Variants in HHAT observed in about 807,000 individuals in gnomAD.
HHAT encodes protein-cysteine N-palmitoyltransferase HHAT.
HHAT carries 47 observed loss-of-function variants against 70.8 expected under a neutral mutation model. The observed-to-expected ratio is 0.66, with a 90% CI of 0.53 to 0.85. HHAT has a LOEUF of 0.85. HHAT is among the 40% of genes least tolerant of loss of function. The probability of loss-of-function intolerance (pLI) is 0.00; values close to 1 mark genes in which losing one functional copy is unlikely to be tolerated. For synonymous variants in HHAT, 228 were observed against 247.6 expected (o/e 0.92, Z 0.74); for missense variants, 609 against 604.8 (o/e 1.01, Z -0.07).
intron 8 of HHAT, among the ~76,000 whole-genome samples, chr1:210,500,728 G>C (rs547654709): frequency 1.3e-5 from 2 of 152,282 alleles, no homozygotes; most frequent in South Asian, 2.1e-4. Flanking sequence ...GTTGCCTTCT[G>C]GGCATCATTA....
intron 2 of HHAT, among the ~76,000 whole-genome samples, chr1:210,358,589 G>A (rs779434587): frequency 3.3e-5 from 5 of 152,284 alleles, no homozygotes; most frequent in East Asian, 3.9e-4. Context: ...TTAGAAGCCC[G>A]TCTTTTCTGT....
At position 210,475,500 on chromosome 1, in the gene HHAT, G is replaced by A. The variant is rs147333897; in HGVS notation, c.1007+10845G>A. ...GTAAAGCCAGAGCCTCTCTGATTGG[G>A]TTTTTACCTCCACCTACATGACAGA... On this transcript the variant is annotated intron_variant, in intron 8 of 11. Coordinates refer to ENST00000261458, the MANE Select transcript of HHAT (RefSeq NM_018194.6). 1.8e-3 allele frequency among the ~76,000 whole-genome samples: 278 copies of A among 152,304 alleles called. 5 individuals are homozygous for A. The East Asian group carries it at 0.037, about 20-fold the overall frequency.
chr1:210,449,153 G>A (rs1445531848), intron 7 of HHAT, among the ~76,000 whole-genome samples: 2 of 152,144 alleles, frequency 1.3e-5, no homozygotes, highest in Non-Finnish European at 2.9e-5. Flanking sequence ...ATTGGTGGTC[G>A]GACCTCCCGG....
At chr1:210,572,020 G>T (rs966340044) in intron 9 of HHAT, among the ~76,000 whole-genome samples, 3 of 152,104 alleles carry the variant, frequency 2.0e-5, no homozygotes, top group Non-Finnish European at 4.4e-5. Flanking sequence ...AATGCTTACC[G>T]GCCCATTGTT....
chr1:210,554,023 A>G (rs1353967859), intron 9 of HHAT, among the ~76,000 whole-genome samples: 3 of 152,174 alleles, frequency 2.0e-5, no homozygotes, highest in African/African-American at 7.2e-5. Flanking sequence ...CTGTTGTCAT[A>G]CATCATGGGC....
At chr1:210,640,116 CT>C (rs1672696948) in intron 11 of HHAT, among the ~76,000 whole-genome samples, 1 of 152,172 alleles carries the variant, frequency 6.6e-6, no homozygotes, top group African/African-American at 2.4e-5. Flanking sequence ...TAATCCATGG[CT>C]AAGAAGAAGC....
At chr1:210,456,895 C>T (rs1037292274) in intron 7 of HHAT, among the ~76,000 whole-genome samples, 3 of 152,214 alleles carry the variant, frequency 2.0e-5, no homozygotes, top group African/African-American at 7.2e-5. Flanking sequence ...CTCCCCCACA[C>T]GCTGCTCTTC....
chr1:210,418,024 A>ACAAAC, intron 6 of HHAT, 130 bp from the exon 7 acceptor site: 2 of 851,504 alleles, frequency 2.3e-6, no homozygotes, highest in Non-Finnish European at 3.9e-6. Flanking sequence ...TGTTCCCAAG[A>ACAAAC]CAAACCAAAC....
At chr1:210,440,896 A>T (rs976738843) in intron 7 of HHAT, among the ~76,000 whole-genome samples, 1 of 152,228 alleles carries the variant, frequency 6.6e-6, no homozygotes, top group African/African-American at 2.4e-5. Flanking sequence ...CTTTGGAAGT[A>T]GGAGAAACCA....
chr1:210,673,769 ATTTATTTATTT>A (rs1680605374), intron 11 of HHAT, among the ~76,000 whole-genome samples: 1 of 20,606 alleles, frequency 4.9e-5, no homozygotes, highest in African/African-American at 4.5e-4. Context: ...TTTATTATTT[ATTTATTTATTT>A]ATTTATTTAT....
At chr1:210,631,108 A>C in intron 11 of HHAT, 1 of 456,560 alleles carries the variant, frequency 2.2e-6, no homozygotes, top group South Asian at 1.5e-5. Flanking sequence ...TTTGTTCCCA[A>C]CTATTTTTCC....
intron 8 of HHAT, among the ~76,000 whole-genome samples, chr1:210,476,274 CTT>C (rs1194345833): frequency 1.3e-5 from 2 of 152,212 alleles, no homozygotes; most frequent in African/African-American, 4.8e-5. Context: ...CATTCAAAGA[CTT>C]TCTCTTGGTA....
chr1:210,577,595 A>G (rs10746428), intron 9 of HHAT, among the ~76,000 whole-genome samples: 145,344 of 149,174 alleles, frequency 0.97, 70,913 homozygotes, highest in East Asian at 1. Flanking sequence ...ATTTTGTTGA[A>G]TGTTCTTGCA....
At chr1:210,518,789 G>A (rs1351261853) in intron 9 of HHAT, among the ~76,000 whole-genome samples, 2 of 152,296 alleles carry the variant, frequency 1.3e-5, no homozygotes, top group East Asian at 1.9e-4. Context: ...GCAAGACACC[G>A]TCTCAAAAAC....
At chr1:210,637,244 C>T (rs1003502536) in intron 11 of HHAT, among the ~76,000 whole-genome samples, 1 of 152,086 alleles carries the variant, frequency 6.6e-6, no homozygotes, top group African/African-American at 2.4e-5. Context: ...GGATCCATAT[C>T]TCACATCATA....
intron 4 of HHAT, among the ~76,000 whole-genome samples, chr1:210,389,203 T>C (rs929460389): frequency 6.6e-6 from 1 of 152,080 alleles, no homozygotes; most frequent in African/African-American, 2.4e-5. Context: ...ATAAAGAAAA[T>C]GAACTTATTT....
chr1:210,645,339 A>G (rs1489758570), intron 11 of HHAT, among the ~76,000 whole-genome samples: 1 of 152,142 alleles, frequency 6.6e-6, no homozygotes, highest in Non-Finnish European at 1.5e-5. Flanking sequence ...GTTCGGTGGC[A>G]CGATCTCAGC....
chr1:210,440,620 T>C (rs1456461208), intron 7 of HHAT, among the ~76,000 whole-genome samples: 2 of 151,834 alleles, frequency 1.3e-5, no homozygotes, highest in Non-Finnish European at 2.9e-5. Context: ...TTCCCCATAA[T>C]AGTGTTTTGT....
chr1:210,451,538 C>G (rs1219412202), intron 7 of HHAT, among the ~76,000 whole-genome samples: 1 of 152,014 alleles, frequency 6.6e-6, no homozygotes, highest in Non-Finnish European at 1.5e-5. Flanking sequence ...TTCTATTTTT[C>G]CAAGAAAACT....
Sources: allele counts gnomAD v4.1 joint callset (sites outside exome capture counted in the v4.1 genomes callset), GRCh38; gene constraint gnomAD v4.1.1; transcripts MANE v1.5; gene names NCBI Gene and HGNC (gene_info 2026-07-23, HGNC 2026-07-21).